The following QTMAN variants were observed in gnomAD, a reference collection of about 807,000 sequenced individuals.
QTMAN encodes tRNA-queuosine alpha-mannosyltransferase.
the QTMAN span, among the ~76,000 whole-genome samples, chr2:144,027,819 T>G: frequency 6.6e-6 from 1 of 152,206 alleles, no homozygotes; most frequent in Non-Finnish European, 1.5e-5. Context: ...AGATAGGGCT[T>G]TAAAGTTAGT....
chr2:144,307,679 G>T, the QTMAN span, among the ~76,000 whole-genome samples: 1 of 152,178 alleles, frequency 6.6e-6, no homozygotes. Context: ...TTCTAGTTCT[G>T]TATAGAAACA....
chr2:144,306,673 T>C, the QTMAN span, among the ~76,000 whole-genome samples: 1 of 152,006 alleles, frequency 6.6e-6, no homozygotes, highest in Non-Finnish European at 1.5e-5. Context: ...AAAAAAAAGC[T>C]AATAGGTCTC....
chr2:144,332,139 T>C, the QTMAN span, among the ~76,000 whole-genome samples: 6 of 151,456 alleles, frequency 4.0e-5, no homozygotes, highest in East Asian at 1.2e-3. Context: ...AAAAACGCAA[T>C]TCGAACACGA....
At chr2:144,245,545 G>A in the QTMAN span, among the ~76,000 whole-genome samples, 1 of 152,072 alleles carries the variant, frequency 6.6e-6, no homozygotes, top group Non-Finnish European at 1.5e-5. Context: ...GAAAATGCTA[G>A]GAAATGACAA....
At chr2:144,043,722 CCT>C in the QTMAN span, among the ~76,000 whole-genome samples, 2 of 151,802 alleles carry the variant, frequency 1.3e-5, no homozygotes, top group African/African-American at 4.8e-5. Flanking sequence ...GACCAACAGT[CCT>C]AAATAATCTA....
the QTMAN span, among the ~76,000 whole-genome samples, chr2:144,316,151 G>A: frequency 3.9e-5 from 6 of 152,056 alleles, no homozygotes; most frequent in South Asian, 1.2e-3. Context: ...TGGGACGAGA[G>A]GACTGCTTGA....
the QTMAN span, among the ~76,000 whole-genome samples, chr2:143,949,270 G>C: frequency 3.9e-5 from 6 of 151,966 alleles, no homozygotes; most frequent in Non-Finnish European, 8.8e-5. Context: ...AAGAAAAAAA[G>C]TAAATTCTGT....
the QTMAN span, chr2:144,141,842 T>C: frequency 2.8e-6 from 4 of 1,454,038 alleles, no homozygotes; most frequent in Non-Finnish European, 3.8e-6. Context: ...TGAGGAATAA[T>C]TTATGACACA....
At chr2:144,123,421 T>A in the QTMAN span, among the ~76,000 whole-genome samples, 1 of 152,168 alleles carries the variant, frequency 6.6e-6, no homozygotes, top group African/African-American at 2.4e-5. Context: ...GCTTCAGGCA[T>A]AAACTTGACT....
At chr2:144,188,111 G>A in the QTMAN span, among the ~76,000 whole-genome samples, 1 of 152,158 alleles carries the variant, frequency 6.6e-6, no homozygotes, top group East Asian at 1.9e-4. Flanking sequence ...TGGACTTCTG[G>A]CCTCAGAACT....
At chr2:144,154,403 T>C in the QTMAN span, among the ~76,000 whole-genome samples, 1 of 152,176 alleles carries the variant, frequency 6.6e-6, no homozygotes, top group African/African-American at 2.4e-5. Flanking sequence ...GGCTTGGTTA[T>C]TAAAAGTAAG....
At chr2:144,237,418 T>C in the QTMAN span, 1 of 152,098 alleles carries the variant, frequency 6.6e-6, no homozygotes, top group Non-Finnish European at 1.5e-5. Flanking sequence ...CACTTCAAAA[T>C]ACATATACCT....
chr2:144,196,213 CCACACA>C, the QTMAN span, among the ~76,000 whole-genome samples: 2,706 of 142,486 alleles, frequency 0.019, 30 homozygotes, highest in Non-Finnish European at 0.021. Flanking sequence ...GCACACATAG[CCACACA>C]CACACACACA....
chr2:144,233,431 T>G, the QTMAN span, among the ~76,000 whole-genome samples: 1 of 152,188 alleles, frequency 6.6e-6, no homozygotes, highest in Non-Finnish European at 1.5e-5. Context: ...AATGGTGGTC[T>G]GTGTGAAGAA....
chr2:144,074,796 A>G, the QTMAN span, among the ~76,000 whole-genome samples: 1 of 152,214 alleles, frequency 6.6e-6, no homozygotes, highest in Admixed American at 6.5e-5. Flanking sequence ...GAGTATTAGT[A>G]ATGTTCTCCA....
chr2:144,195,852 T>C, the QTMAN span, among the ~76,000 whole-genome samples: 1 of 152,086 alleles, frequency 6.6e-6, no homozygotes, highest in Non-Finnish European at 1.5e-5. Context: ...ATAATAATAT[T>C]GCTACTAAAA....
the QTMAN span, among the ~76,000 whole-genome samples, chr2:144,181,585 T>A: frequency 6.6e-6 from 1 of 152,078 alleles, no homozygotes; most frequent in Non-Finnish European, 1.5e-5. Context: ...TACTGAGGTG[T>A]GTGAATCACT....
chr2:144,094,961 A>T, the QTMAN span, among the ~76,000 whole-genome samples: 1 of 152,172 alleles, frequency 6.6e-6, no homozygotes, highest in Non-Finnish European at 1.5e-5. Context: ...TCACTTTGTA[A>T]ACCTAGCACC....
the QTMAN span, among the ~76,000 whole-genome samples, chr2:143,989,998 T>C: frequency 1.3e-5 from 2 of 152,140 alleles, no homozygotes; most frequent in Non-Finnish European, 2.9e-5. Flanking sequence ...AAAATACCAA[T>C]ACACACTGGG....
Sources: gnomAD v4.1 joint callset for allele counts (sites outside exome capture counted in the v4.1 genomes callset) on GRCh38, gnomAD v4.1.1 for gene constraint, MANE v1.5 for transcripts, NCBI Gene and HGNC (gene_info 2026-07-23, HGNC 2026-07-21) for gene names.